The following MYO1B variants were observed in gnomAD, a reference collection of about 807,000 sequenced individuals.
MYO1B encodes the protein unconventional myosin-Ib.
A neutral mutation model predicts 159.7 loss-of-function variants in MYO1B; 72 were observed. The ratio of observed to expected loss-of-function variants is 0.45; its 90% confidence interval spans 0.37 to 0.55. The LOEUF is 0.55. Ranked by LOEUF, MYO1B falls within the 20% of genes least tolerant of loss-of-function variation. The pLI, the probability that MYO1B is intolerant of heterozygous loss-of-function variation, is 0.00. For missense variants in MYO1B, 1,062 were observed against 1,364.8 expected, an observed-to-expected ratio of 0.78 and a Z score of 3.50; for synonymous variants, 468 against 473.8, an observed-to-expected ratio of 0.99 and a Z score of 0.16.
chr2:191,323,201 T>G (rs1163713870), intron 3 of MYO1B, among the ~76,000 whole-genome samples: 2 of 152,156 alleles, frequency 1.3e-5, no homozygotes. Context: ...CATTGCCATC[T>G]TGGTTTTGGT....
chr2:191,305,663 A>G (rs1973069), intron 3 of MYO1B, among the ~76,000 whole-genome samples: 147,830 of 152,304 alleles, frequency 0.97, 71,868 homozygotes, highest in East Asian at 1. Context: ...GGGAGAAAGC[A>G]GCCATAAAAA....
At chr2:191,411,203 C>T in intron 27 of MYO1B, 31 bp downstream of exon 27, 1 of 1,417,402 alleles carries the variant, frequency 7.1e-7, no homozygotes, top group Non-Finnish European at 9.7e-7. Flanking sequence ...CCATAAAATT[C>T]AGGATTATAA....
intron 1 of MYO1B, among the ~76,000 whole-genome samples, chr2:191,275,683 A>G (rs1434898724): frequency 6.6e-6 from 1 of 152,234 alleles, no homozygotes; most frequent in Non-Finnish European, 1.5e-5. Context: ...AGTGGCAGGT[A>G]TATATGTAAG....
intron 16 of MYO1B, among the ~76,000 whole-genome samples, chr2:191,386,362 A>G (rs191798234): frequency 6.6e-6 from 1 of 152,232 alleles, no homozygotes; most frequent in Non-Finnish European, 1.5e-5. Flanking sequence ...AAGCTATCCT[A>G]TAAAAAATAT....
chr2:191,420,627 T>C (rs951261994), intron 30 of MYO1B, among the ~76,000 whole-genome samples: 20 of 152,232 alleles, frequency 1.3e-4, no homozygotes, highest in Admixed American at 1.3e-3. Flanking sequence ...TCTCAGAATG[T>C]ATCCCTTTTA....
intron 16 of MYO1B, among the ~76,000 whole-genome samples, chr2:191,386,302 A>T (rs1695396010): frequency 6.6e-6 from 1 of 152,240 alleles, no homozygotes; most frequent in Non-Finnish European, 1.5e-5. Context: ...AATGGACTTA[A>T]TGAAGAGTCT....
chr2:191,307,473 CT>C (rs1305315535), intron 3 of MYO1B, among the ~76,000 whole-genome samples: 1 of 152,108 alleles, frequency 6.6e-6, no homozygotes, highest in Non-Finnish European at 1.5e-5. Flanking sequence ...TTGGGCTGAC[CT>C]TCTCTCTCAC....
Position 191,276,992 on chromosome 2 carries a change from A to G in MYO1B, c.97A>G (p.Asn33Asp), listed in dbSNP as rs770428895. Residue 33 changes from asparagine to aspartate, a missense_variant, in exon 2 of 31, where the codon AAC becomes GAC. Transcript: ENST00000392318. ...ACCTCTCAATGAGGAGACCTTCATCAACAACCTCAAGAAGCGCTTTGACCA... is the reference window on the plus strand; with the variant it reads ...ACCTCTCAATGAGGAGACCTTCATCGACAACCTCAAGAAGCGCTTTGACCA... ...LEPLNEETFI[N>D]NLKKRFDHSE... The G allele has an allele frequency of 6.2e-7, 1 of 1,613,958 alleles. No homozygotes were observed. Among genetic ancestry groups the G allele is most frequent in the East Asian group, 2.2e-5 (1 of 44,886 alleles).
intron 3 of MYO1B, among the ~76,000 whole-genome samples, chr2:191,311,081 T>C (rs764831458): frequency 8.5e-5 from 13 of 152,172 alleles, no homozygotes; most frequent in Non-Finnish European, 1.8e-4. Flanking sequence ...AGTATATTAG[T>C]GTTCATTGGA....
At chr2:191,332,244 C>T (rs948557690) in intron 4 of MYO1B, among the ~76,000 whole-genome samples, 6 of 149,298 alleles carry the variant, frequency 4.0e-5, no homozygotes, top group South Asian at 4.3e-4. Flanking sequence ...ATTACAGGCG[C>T]GAGCCACCAT....
intron 18 of MYO1B, 21 bp from the exon 19 acceptor site, chr2:191,392,087 T>C (rs762061001): frequency 6.4e-7 from 1 of 1,567,708 alleles, no homozygotes; most frequent in East Asian, 2.3e-5. Context: ...AAACTCACTG[T>C]TTTTATTTTT....
At chr2:191,347,156 C>T (rs1692621149) in intron 6 of MYO1B, among the ~76,000 whole-genome samples, 2 of 152,202 alleles carry the variant, frequency 1.3e-5, no homozygotes, top group Non-Finnish European at 2.9e-5. Context: ...CCTTTCTCCA[C>T]CTTCTTCTTT....
At position 191,387,244 on chromosome 2, in the gene MYO1B, A is replaced by T. The variant is rs1346081399; in HGVS notation, c.1575A>T (p.Gly525=). The T allele has an allele frequency of 1.9e-6, 3 of 1,614,062 alleles. No homozygotes were observed. The highest frequency in any genetic ancestry group is 2.5e-6 in the Non-Finnish European group (3 of 1,179,964). ...TATAGGTGCTGTACCAGGTGGAAGGATTCGTTGACAAAAACAATGACCTTC... is the reference window on the plus strand; with the variant it reads ...TATAGGTGCTGTACCAGGTGGAAGGTTTCGTTGACAAAAACAATGACCTTC... ...YAGKVLYQVE[G]FVDKNNDLLY... is the part of the protein sequence containing the mutation. Residue 525 remains glycine, a synonymous_variant, in exon 17 of 31, where the codon GGA becomes GGT. Coordinates refer to ENST00000392318, the MANE Select transcript of MYO1B (RefSeq NM_001130158.3).
chr2:191,353,470 A>G (rs1170823669), intron 7 of MYO1B, among the ~76,000 whole-genome samples: 1 of 152,208 alleles, frequency 6.6e-6, no homozygotes, highest in Non-Finnish European at 1.5e-5. Context: ...TGAAGAAACT[A>G]TTATTTCAGA....
intron 13 of MYO1B, among the ~76,000 whole-genome samples, chr2:191,378,577 G>A (rs1459665449): frequency 6.6e-6 from 1 of 152,124 alleles, no homozygotes; most frequent in East Asian, 1.9e-4. Flanking sequence ...CTTTTTTTGT[G>A]GATCTTCAGT....
intron 3 of MYO1B, among the ~76,000 whole-genome samples, chr2:191,301,809 C>A (rs191249282): frequency 3.6e-4 from 55 of 152,322 alleles, no homozygotes; most frequent in Admixed American, 1.6e-3. Flanking sequence ...AATCCACTGG[C>A]CTTTTGTGTT....
At chr2:191,306,963 T>C (rs973631447) in intron 3 of MYO1B, among the ~76,000 whole-genome samples, 3 of 152,164 alleles carry the variant, frequency 2.0e-5, no homozygotes, top group Non-Finnish European at 4.4e-5. Flanking sequence ...GTTCAGTTTG[T>C]TTACTGGAAA....
chr2:191,318,819 G>A (rs1690520146), intron 3 of MYO1B, among the ~76,000 whole-genome samples: 1 of 152,226 alleles, frequency 6.6e-6, no homozygotes, highest in Non-Finnish European at 1.5e-5. Flanking sequence ...CACTGTCTGT[G>A]TGATGGAAGC....
chr2:191,346,124 C>T (rs1692549203), intron 5 of MYO1B, 112 bp from the exon 6 acceptor site: 1 of 833,490 alleles, frequency 1.2e-6, no homozygotes, highest in Non-Finnish European at 1.9e-6. Flanking sequence ...AATATCATTG[C>T]TACAAGTTGT....
Sources: gnomAD v4.1 joint callset for allele counts (sites outside exome capture counted in the v4.1 genomes callset) on GRCh38, gnomAD v4.1.1 for gene constraint, MANE v1.5 for transcripts, NCBI Gene and HGNC (gene_info 2026-07-23, HGNC 2026-07-21) for gene names.